The following ISM1 variants were observed in gnomAD, a reference collection of about 807,000 sequenced individuals.
ISM1 encodes the protein isthmin 1, also known as isthmin-1.
ISM1 carries 25 observed loss-of-function variants against 46.3 expected under a neutral mutation model. That is an observed-to-expected ratio of 0.54 (90% confidence interval 0.39 to 0.75). The LOEUF (loss-of-function observed/expected upper bound fraction) is 0.75. Among genes scored for constraint, ISM1 ranks in the 30% least tolerant of loss-of-function variants. ISM1 has a pLI of 0.00. For synonymous variants in ISM1, 255 were observed against 256.7 expected (o/e 0.99, Z 0.06); for missense variants, 536 against 625.4 (o/e 0.86, Z 1.52).
chr20:13,237,463 A>C (rs2039664896), intron 1 of ISM1, among the ~76,000 whole-genome samples: 1 of 152,252 alleles, frequency 6.6e-6, no homozygotes, highest in South Asian at 2.1e-4. Context: ...AACCAGGCAC[A>C]GTAAAGTACA....
chr20:13,272,695 T>G (rs113692410), intron 2 of ISM1, among the ~76,000 whole-genome samples: 3,046 of 152,336 alleles, frequency 0.02, 112 homozygotes, highest in African/African-American at 0.069. Flanking sequence ...AACAGGCCTT[T>G]GGCTCCAATG....
At chr20:13,279,967 G>A in intron 3 of ISM1, 69 bp downstream of exon 3, 1 of 1,460,576 alleles carries the variant, frequency 6.8e-7, no homozygotes. Context: ...TGGACATGGA[G>A]CCAAGCAAAA....
At chr20:13,277,170 A>G (rs978144651) in intron 2 of ISM1, among the ~76,000 whole-genome samples, 1 of 152,152 alleles carries the variant, frequency 6.6e-6, no homozygotes, top group Non-Finnish European at 1.5e-5. Flanking sequence ...TGACGGTAAT[A>G]GCTTGAAACA....
At chr20:13,288,796 T>C in intron 4 of ISM1, 113 bp downstream of exon 4, 1 of 1,181,552 alleles carries the variant, frequency 8.5e-7, no homozygotes, top group African/African-American at 1.5e-5. Context: ...CTTTTCTTTT[T>C]TTTTTTGAGA....
intron 4 of ISM1, among the ~76,000 whole-genome samples, chr20:13,289,099 C>A (rs1406143634): frequency 6.6e-6 from 1 of 152,210 alleles, no homozygotes; most frequent in Non-Finnish European, 1.5e-5. Flanking sequence ...TCTAATAAGA[C>A]TTCTGACCAG....
rs911571992 is a variant in ISM1, at chr20:13,221,552, TGCGGCGGCGGCGGCG to T, written c.-215_-201del. ...CGGCCTCGCGGTGGCTCCGCCGTGG[TGCGGCGGCGGCGGCG>T]GCGGCGGCGCCGGCAGCTCCTGCTC... On this transcript the variant is annotated 5_prime_UTR_variant, in exon 1 of 6. Coordinates refer to ENST00000262487, the MANE Select transcript of ISM1 (RefSeq NM_080826.2). Among the ~76,000 whole-genome samples, 1 of 141,508 alleles carries T rather than the reference TGCGGCGGCGGCGGCG, an allele frequency of 7.1e-6. No individual in the cohort carries two copies. Among genetic ancestry groups the T allele is most frequent in the Non-Finnish European group, 1.6e-5 (1 of 64,294 alleles). 92.8% of individuals were successfully genotyped at this position (141,508 alleles called of 152,430 possible).
intron 1 of ISM1, among the ~76,000 whole-genome samples, chr20:13,224,106 CTT>C (rs2039485288): frequency 6.6e-6 from 1 of 152,080 alleles, no homozygotes; most frequent in African/African-American, 2.4e-5. Flanking sequence ...CTAGAAATAT[CTT>C]GAGTCCCAAG....
the ISM1 span, among the ~76,000 whole-genome samples, chr20:13,321,569 G>A: frequency 6.6e-6 from 1 of 152,170 alleles, no homozygotes; most frequent in South Asian, 2.1e-4. Context: ...CTGGTGCCTT[G>A]AAGCCTCAGC....
At chr20:13,288,791 C>CTT (rs34117863) in intron 4 of ISM1, 108 bp downstream of exon 4, 13,547 of 956,656 alleles carry the variant, frequency 0.014, 1 homozygote, top group Non-Finnish European at 0.016. Context: ...CTTTTCTTTT[C>CTT]TTTTTTTTTT....
chr20:13,264,223 C>T (rs753459068), intron 1 of ISM1, among the ~76,000 whole-genome samples: 54 of 152,174 alleles, frequency 3.5e-4, no homozygotes, highest in Non-Finnish European at 7.2e-4. Context: ...TTCAAGAAGT[C>T]TGCCTGATTG....
the ISM1 span, among the ~76,000 whole-genome samples, chr20:13,314,242 T>C: frequency 1.3e-5 from 2 of 152,104 alleles, no homozygotes; most frequent in Admixed American, 6.5e-5. Context: ...CTCAAATTAA[T>C]GGCAAACATA....
intron 1 of ISM1, among the ~76,000 whole-genome samples, chr20:13,242,091 G>T (rs541923633): frequency 6.6e-6 from 1 of 152,318 alleles, no homozygotes; most frequent in East Asian, 1.9e-4. Flanking sequence ...TAAAAGAATG[G>T]AAAGTGTCTT....
intron 1 of ISM1, among the ~76,000 whole-genome samples, chr20:13,240,763 G>A (rs909553240): frequency 3.3e-5 from 5 of 152,212 alleles, no homozygotes; most frequent in African/African-American, 1.2e-4. Flanking sequence ...GACCAGGGTA[G>A]AGAAGAGTGG....
At chr20:13,292,658 C>T (rs563642869) in intron 5 of ISM1, among the ~76,000 whole-genome samples, 195 bp downstream of exon 5, 3 of 152,180 alleles carry the variant, frequency 2.0e-5, no homozygotes, top group African/African-American at 7.2e-5. Flanking sequence ...TCCACCGGAC[C>T]GAGCGCTTCT....
intron 1 of ISM1, among the ~76,000 whole-genome samples, chr20:13,251,828 C>T (rs150902065): frequency 9.1e-4 from 138 of 152,224 alleles, no homozygotes; most frequent in African/African-American, 3.2e-3. Flanking sequence ...GGAGGGTGAG[C>T]ACTTAGAACT....
At chr20:13,324,475 T>A in the ISM1 span, among the ~76,000 whole-genome samples, 1 of 152,182 alleles carries the variant, frequency 6.6e-6, no homozygotes, top group Admixed American at 6.5e-5. Context: ...GGGTGTAGAA[T>A]TTAAATTTAC....
intron 3 of ISM1, 97 bp from the exon 4 acceptor site, chr20:13,288,443 G>A (rs768114351): frequency 1.4e-5 from 19 of 1,312,036 alleles, no homozygotes; most frequent in African/African-American, 5.8e-5. Flanking sequence ...CTCCCACAGC[G>A]AGAAGGATAG....
chr20:13,236,404 A>T (rs2039650139), intron 1 of ISM1, among the ~76,000 whole-genome samples: 1 of 152,138 alleles, frequency 6.6e-6, no homozygotes, highest in African/African-American at 2.4e-5. Flanking sequence ...CCCACAACAC[A>T]TGGGAATTCT....
chr20:13,284,671 A>G (rs911158377), intron 3 of ISM1, among the ~76,000 whole-genome samples: 3 of 152,204 alleles, frequency 2.0e-5, no homozygotes, highest in Non-Finnish European at 2.9e-5. Context: ...CGGGACATTG[A>G]TGGGGGCCCG....
Sources: allele counts gnomAD v4.1 joint callset (sites outside exome capture counted in the v4.1 genomes callset), GRCh38; gene constraint gnomAD v4.1.1; transcripts MANE v1.5; gene names NCBI Gene and HGNC (gene_info 2026-07-23, HGNC 2026-07-21).